KCNH1: variants seen among roughly 807,000 people sequenced by gnomAD.
KCNH1 encodes voltage-gated delayed rectifier potassium channel KCNH1.
Under a neutral mutation model 69.2 loss-of-function variants are expected in KCNH1, and 27 were observed. The ratio of observed to expected loss-of-function variants is 0.39; its 90% CI spans 0.29 to 0.54. The LOEUF (loss-of-function observed/expected upper bound fraction) is 0.54. KCNH1 is among the 20% of genes least tolerant of loss of function. KCNH1 has a pLI of 0.68. For synonymous variants in KCNH1, 456 were observed against 487.7 expected, an observed-to-expected ratio of 0.93 and a Z score of 0.86; for missense variants, 798 against 1,261.6, an observed-to-expected ratio of 0.63 and a Z score of 5.57.
chr1:211,124,761 T>A (rs947819697), intron 1 of KCNH1, among the ~76,000 whole-genome samples: 1 of 152,106 alleles, frequency 6.6e-6, no homozygotes, highest in East Asian at 1.9e-4. Flanking sequence ...TTTACAAAGG[T>A]GTGGGAGAGG....
chr1:210,873,331 A>G (rs1362625577), intron 7 of KCNH1, among the ~76,000 whole-genome samples: 1 of 152,086 alleles, frequency 6.6e-6, no homozygotes, highest in African/African-American at 2.4e-5. Context: ...CTTTTAAAAA[A>G]TTTTTATATT....
At chr1:210,993,953 C>A (rs73073450) in intron 6 of KCNH1, among the ~76,000 whole-genome samples, 2 of 149,036 alleles carry the variant, frequency 1.3e-5, no homozygotes, top group Non-Finnish European at 3.0e-5. Context: ...GGTTTTATGA[C>A]GTTCAAAGAA....
chr1:210,984,904 C>T (rs939638440), intron 6 of KCNH1, among the ~76,000 whole-genome samples: 1 of 152,134 alleles, frequency 6.6e-6, no homozygotes, highest in African/African-American at 2.4e-5. Context: ...GCTGTGAACC[C>T]ATCTGGTCGT....
intron 7 of KCNH1, among the ~76,000 whole-genome samples, chr1:210,846,491 A>G (rs1291938173): frequency 1.3e-5 from 2 of 152,146 alleles, no homozygotes; most frequent in Non-Finnish European, 2.9e-5. Flanking sequence ...AGGATTCCCT[A>G]TTTAATAAAT....
At chr1:210,789,464 CT>C (rs1425852532) in intron 9 of KCNH1, among the ~76,000 whole-genome samples, 1 of 152,156 alleles carries the variant, frequency 6.6e-6, no homozygotes, top group Non-Finnish European at 1.5e-5. Flanking sequence ...GTAAATGCCA[CT>C]TTTTTTCTGA....
chr1:211,017,596 A>G (rs1327254105), intron 6 of KCNH1, among the ~76,000 whole-genome samples: 1 of 152,212 alleles, frequency 6.6e-6, no homozygotes, highest in Non-Finnish European at 1.5e-5. Context: ...GACAATTCCC[A>G]TAGAACACAA....
intron 5 of KCNH1, among the ~76,000 whole-genome samples, chr1:211,034,655 T>C (rs1040610952): frequency 1.1e-4 from 16 of 152,206 alleles, no homozygotes; most frequent in African/African-American, 3.6e-4. Context: ...ATAAAAAATT[T>C]AGTTTTTAAA....
intron 3 of KCNH1, among the ~76,000 whole-genome samples, chr1:211,092,406 G>A (rs1691069084): frequency 6.6e-6 from 1 of 152,204 alleles, no homozygotes. Context: ...CAGGCAGCAA[G>A]TAGACCCAAC....
At chr1:210,985,014 A>G in intron 6 of KCNH1, among the ~76,000 whole-genome samples, 1 of 152,178 alleles carries the variant, frequency 6.6e-6, no homozygotes, top group Middle Eastern at 3.4e-3. Context: ...TAGTCTTGGG[A>G]GGGTGTATAT....
At chr1:210,782,368 T>C (rs959016399) in intron 9 of KCNH1, among the ~76,000 whole-genome samples, 1 of 151,860 alleles carries the variant, frequency 6.6e-6, no homozygotes, top group African/African-American at 2.4e-5. Flanking sequence ...CCCAATACAG[T>C]GGTATTTGGA....
At position 210,797,660 on chromosome 1, in the gene KCNH1, C is replaced by T; in HGVS notation, c.1763G>A (p.Gly588Asp). Residue 588 changes from glycine (G) to aspartate (D), a missense_variant, in exon 9 of 11, where the codon GGC becomes GAC. Gly to Asp is a moderately conservative substitution (Grantham distance 94). This residue lies in a region of KCNH1 where 197 missense variants were observed against 407.7 expected (regional missense o/e 0.48). Transcript: ENST00000271751. Reference protein sequence around the residue: ...EHPAFRLASDGCLRALAMEFQ... With the variant: ...EHPAFRLASDDCLRALAMEFQ... Reference sequence around the variant, plus strand: ...CTCCATGGCCAGTGCCCGGAGGCAGCCATCACTGGCCAGCCGGAAGGCCGG... The same window carrying T: ...CTCCATGGCCAGTGCCCGGAGGCAGTCATCACTGGCCAGCCGGAAGGCCGG... 2 of 1,614,234 alleles carry T rather than the reference C, an allele frequency of 1.2e-6. No homozygotes were observed. Among genetic ancestry groups the T allele is most frequent in the Non-Finnish European group, 8.5e-7 (1 of 1,180,038 alleles).
At chr1:211,115,142 C>T (rs771877282) in intron 1 of KCNH1, among the ~76,000 whole-genome samples, 11 of 152,088 alleles carry the variant, frequency 7.2e-5, no homozygotes, top group African/African-American at 1.7e-4. Flanking sequence ...ACACACACCA[C>T]CATGACCAGC....
intron 7 of KCNH1, among the ~76,000 whole-genome samples, chr1:210,893,786 A>G (rs1686799968): frequency 6.6e-6 from 1 of 151,896 alleles, no homozygotes; most frequent in Non-Finnish European, 1.5e-5. Flanking sequence ...TTTTTCTTAA[A>G]TTCTTTTCTC....
At chr1:210,802,903 C>T (rs1684458907) in intron 8 of KCNH1, among the ~76,000 whole-genome samples, 3 of 151,868 alleles carry the variant, frequency 2.0e-5, no homozygotes, top group African/African-American at 7.3e-5. Context: ...GCACATGTAC[C>T]CCAGAACTTA....
intron 5 of KCNH1, among the ~76,000 whole-genome samples, chr1:211,058,346 T>C (rs1459153936): frequency 1.3e-5 from 2 of 152,142 alleles, no homozygotes; most frequent in African/African-American, 4.8e-5. Context: ...GTGTATAAAC[T>C]AATATCTTGA....
At chr1:210,870,529 C>T (rs1686216860) in intron 7 of KCNH1, among the ~76,000 whole-genome samples, 1 of 152,192 alleles carries the variant, frequency 6.6e-6, no homozygotes, top group Non-Finnish European at 1.5e-5. Flanking sequence ...TTTAAATACA[C>T]TCACCATCTC....
chr1:210,752,317 C>T (rs1238389441), intron 10 of KCNH1, among the ~76,000 whole-genome samples: 1 of 152,134 alleles, frequency 6.6e-6, no homozygotes, highest in Non-Finnish European at 1.5e-5. Flanking sequence ...CACTTACCAC[C>T]AGCTCATAAC....
intron 5 of KCNH1, among the ~76,000 whole-genome samples, chr1:211,059,692 G>A (rs933901383): frequency 3.3e-5 from 5 of 151,890 alleles, no homozygotes; most frequent in Admixed American, 6.6e-5. Flanking sequence ...GCAGTGAGCC[G>A]AGATTGCGCC....
In KCNH1 at chr1:211,051,998, T is replaced by C. The variant is rs567229738; in HGVS notation, c.558+30782A>G. Among the ~76,000 whole-genome samples the C allele has an allele frequency of 2.0e-5, 3 of 152,252 alleles. No homozygotes were observed. In the South Asian group the frequency reaches 6.2e-4, roughly 32 times the overall value. ...AGAAAAAAAAAATGCAGAAAATCCC[T>C]AAACCTGATTTCAGCTAATCATTTA... On this transcript the variant is annotated intron_variant, in intron 5 of 10. Coordinates refer to ENST00000271751, the MANE Select transcript of KCNH1 (RefSeq NM_172362.3).
Sources: allele counts gnomAD v4.1 joint callset (sites outside exome capture counted in the v4.1 genomes callset), GRCh38; gene constraint gnomAD v4.1.1; regional missense constraint gnomAD v4.1.1; transcripts MANE v1.5; gene names NCBI Gene and HGNC (gene_info 2026-07-23, HGNC 2026-07-21).